The following CNTLN variants were observed in gnomAD, a reference collection of about 807,000 sequenced individuals.
The protein encoded by CNTLN is centlein, centrosomal protein.
CNTLN carries 212 observed loss-of-function variants against 180.0 expected under a neutral mutation model. The observed-to-expected ratio is 1.18, with a 90% CI of 1.05 to 1.32. The LOEUF (loss-of-function observed/expected upper bound fraction) is 1.32, where lower values mean the gene tolerates loss of function less well. CNTLN is among the 40% of genes most tolerant of loss of function. The pLI is 0.00. For missense variants in CNTLN, 2,095 were observed against 1,610.9 expected (o/e 1.30, Z -5.14); for synonymous variants, 722 against 563.1 (o/e 1.28, Z -3.99).
chr9:17,302,122 A>C, intron 7 of CNTLN: 1 of 889,682 alleles, frequency 1.1e-6, no homozygotes. Flanking sequence ...ACACACACAG[A>C]CACACACACA....
At chr9:17,325,567 A>ACACACACACG (rs1563995778) in intron 8 of CNTLN, among the ~76,000 whole-genome samples, 1 of 140,896 alleles carries the variant, frequency 7.1e-6, no homozygotes, top group African/African-American at 2.6e-5. Flanking sequence ...ACACACACAC[A>ACACACACACG]CACACACACG....
chr9:17,309,061 T>C lies in CNTLN; in HGVS notation c.1150T>C (p.Tyr384His). ...TTGGATATATTTTTTGAAACAGCTT[T>C]ACAATGAGTTACATATTTGTTTTGA... ...TAESISYQKLYNELHICFETT... is the reference protein window; with the variant it reads ...TAESISYQKLHNELHICFETT... Residue 384 changes from tyrosine to histidine, a missense_variant, in exon 8 of 26, where the codon TAC becomes CAC. Coordinates refer to ENST00000380647, the MANE Select transcript of CNTLN (RefSeq NM_017738.4). 6.4e-7 allele frequency: 1 copy of C among 1,572,162 alleles called. No homozygotes were observed. Among genetic ancestry groups the C allele is most frequent in the Non-Finnish European group, 8.6e-7 (1 of 1,165,166 alleles).
intron 8 of CNTLN, among the ~76,000 whole-genome samples, chr9:17,321,385 G>T (rs1819900874): frequency 1.3e-5 from 2 of 152,086 alleles, no homozygotes; most frequent in South Asian, 4.1e-4. Flanking sequence ...TCTGGACTCT[G>T]AGCTCCTTGA....
intron 12 of CNTLN, among the ~76,000 whole-genome samples, chr9:17,359,060 C>T (rs1823084978): frequency 6.7e-6 from 1 of 149,876 alleles, no homozygotes; most frequent in Non-Finnish European, 1.5e-5. Flanking sequence ...TACTTTGTCA[C>T]TCCGCTGGAG....
At chr9:17,302,560 T>A (rs1395947886) in intron 7 of CNTLN, among the ~76,000 whole-genome samples, 2 of 152,152 alleles carry the variant, frequency 1.3e-5, no homozygotes, top group African/African-American at 4.8e-5. Context: ...ATAATAAGAA[T>A]GTACGGGGGT....
intron 5 of CNTLN, among the ~76,000 whole-genome samples, chr9:17,254,237 T>C (rs1826333427): frequency 6.6e-6 from 1 of 151,754 alleles, no homozygotes; most frequent in African/African-American, 2.4e-5. Context: ...GCCTTTTTAA[T>C]CTGTTCATTG....
At chr9:17,395,705 T>C (rs1826462849) in intron 15 of CNTLN, among the ~76,000 whole-genome samples, 1 of 152,214 alleles carries the variant, frequency 6.6e-6, no homozygotes, top group Non-Finnish European at 1.5e-5. Context: ...TTAAGATATG[T>C]ACCCCTAGTG....
At chr9:17,397,012 T>C (rs1473210905) in intron 15 of CNTLN, among the ~76,000 whole-genome samples, 2 of 152,184 alleles carry the variant, frequency 1.3e-5, no homozygotes, top group African/African-American at 4.8e-5. Context: ...TATTCCTCTG[T>C]CTTCAAGGAA....
chr9:17,345,191 T>C (rs773365870), intron 12 of CNTLN, among the ~76,000 whole-genome samples: 10 of 152,216 alleles, frequency 6.6e-5, no homozygotes, highest in Non-Finnish European at 1.3e-4. Context: ...TGTGTGAACA[T>C]AACTTTTATT....
At chr9:17,409,902 A>G (rs1194588839) in intron 16 of CNTLN, among the ~76,000 whole-genome samples, 5 of 152,138 alleles carry the variant, frequency 3.3e-5, no homozygotes, top group African/African-American at 4.8e-5. Flanking sequence ...AATACAACTT[A>G]TTCAGTAATT....
chr9:17,293,601 G>T (rs79901955), intron 6 of CNTLN, among the ~76,000 whole-genome samples: 1 of 152,170 alleles, frequency 6.6e-6, no homozygotes, highest in Admixed American at 6.5e-5. Context: ...AATTCCATCT[G>T]GGTCCAAACC....
Position 17,502,679 on chromosome 9 carries a change from A to C in CNTLN, c.*27A>C. 1.1e-6 allele frequency: 1 copy of C among 932,804 alleles called. No individual in the cohort carries two copies. The highest frequency in any genetic ancestry group is 1.6e-6 in the Non-Finnish European group (1 of 633,256). 57.8% of individuals were successfully genotyped at this position (932,804 alleles called of 1,614,324 possible). On this transcript the variant is annotated 3_prime_UTR_variant, in exon 26 of 26. Transcript: ENST00000380647. ...ATTAAAATGGAGAGCTTTATTGCAAATGTGAAAACTTTTTATGTGGTGTGA... is the reference window on the plus strand; with the variant it reads ...ATTAAAATGGAGAGCTTTATTGCAACTGTGAAAACTTTTTATGTGGTGTGA...
At chr9:17,169,748 A>G (rs1178547406) in intron 2 of CNTLN, among the ~76,000 whole-genome samples, 2 of 151,834 alleles carry the variant, frequency 1.3e-5, no homozygotes, top group Non-Finnish European at 2.9e-5. Context: ...ATTCTGTTCA[A>G]TTGGTCTGTT....
the CNTLN span, among the ~76,000 whole-genome samples, chr9:17,514,654 A>G: frequency 6.6e-6 from 1 of 152,206 alleles, no homozygotes; most frequent in Admixed American, 6.5e-5. Context: ...ATACTTGGCC[A>G]AGTAGATTTT....
intron 2 of CNTLN, among the ~76,000 whole-genome samples, chr9:17,165,021 G>A (rs1169421326): frequency 6.6e-6 from 1 of 150,904 alleles, no homozygotes; most frequent in East Asian, 2.0e-4. Flanking sequence ...TGTATTTTTA[G>A]TAGAGATGGG....
chr9:17,388,872 T>G (rs372286302), intron 14 of CNTLN, among the ~76,000 whole-genome samples: 2 of 152,030 alleles, frequency 1.3e-5, no homozygotes, highest in East Asian at 1.9e-4. Flanking sequence ...ATTTTATACT[T>G]AATTTGCATT....
intron 5 of CNTLN, among the ~76,000 whole-genome samples, chr9:17,260,123 A>G (rs960496426): frequency 6.8e-6 from 1 of 146,566 alleles, no homozygotes; most frequent in African/African-American, 2.7e-5. Context: ...AGTGCTATAA[A>G]TTTCCCTCTA....
chr9:17,154,805 G>T (rs866657377), intron 2 of CNTLN, among the ~76,000 whole-genome samples: 1 of 152,236 alleles, frequency 6.6e-6, no homozygotes, highest in Non-Finnish European at 1.5e-5. Context: ...ATCAGGACGT[G>T]GGCGGGGCCA....
chr9:17,489,946 A>G (rs1287533201), intron 25 of CNTLN, among the ~76,000 whole-genome samples: 1 of 152,120 alleles, frequency 6.6e-6, no homozygotes, highest in Non-Finnish European at 1.5e-5. Context: ...AACATTTTTA[A>G]TCTGTATAAA....
Sources: allele counts gnomAD v4.1 joint callset (sites outside exome capture counted in the v4.1 genomes callset), GRCh38; gene constraint gnomAD v4.1.1; transcripts MANE v1.5; gene names NCBI Gene and HGNC (gene_info 2026-07-23, HGNC 2026-07-21).